The following GRIK1 variants were observed in gnomAD, a reference collection of about 807,000 sequenced individuals.
The protein encoded by GRIK1 is glutamate receptor ionotropic, kainate 1.
In GRIK1, 69 loss-of-function variants were observed where a neutral mutation model predicts 105.7. The observed-to-expected ratio is 0.65, with a 90% confidence interval of 0.54 to 0.80. The LOEUF is 0.80. Ranked by LOEUF, GRIK1 falls within the 30% of genes least tolerant of loss-of-function variation. GRIK1 has a pLI of 0.00. For synonymous variants in GRIK1, 438 were observed against 431.3 expected (o/e 1.02, Z -0.19); for missense variants, 1,109 against 1,167.3 (o/e 0.95, Z 0.73).
intron 1 of GRIK1, among the ~76,000 whole-genome samples, chr21:29,788,650 T>C (rs530340497): frequency 2.5e-4 from 38 of 152,332 alleles, no homozygotes; most frequent in Non-Finnish European, 5.0e-4. Flanking sequence ...TACGTTGTAA[T>C]ATATCATGAA....
rs574478059 is a variant in GRIK1, at chr21:29,593,708, A to T, written c.1252-2483T>A. ...CTGTTTTTAGCCACTTGATTAAGTG[A>T]TAGGATGTGGTCTCTTTAAATCTTA... On this transcript the variant is annotated intron_variant, in intron 9 of 17. Coordinates refer to ENST00000327783, the MANE Select transcript of GRIK1 (RefSeq NM_001330994.2). Among the ~76,000 whole-genome samples, 6 of 152,342 alleles carry T rather than the reference A, an allele frequency of 3.9e-5. No individual in the cohort carries two copies. In the East Asian group the frequency reaches 7.7e-4, roughly 20 times the overall value.
chr21:29,598,464 TCCATCGATAAA>T (rs2146318612), intron 8 of GRIK1, among the ~76,000 whole-genome samples: 1 of 152,352 alleles, frequency 6.6e-6, no homozygotes, highest in South Asian at 2.1e-4. Flanking sequence ...TGGATGCCAT[TCCATCGATAAA>T]CCATTGATAG....
At chr21:29,588,753 A>G (rs2146283647) in intron 11 of GRIK1, 86 bp downstream of exon 11, 1 of 809,946 alleles carries the variant, frequency 1.2e-6, no homozygotes, top group Non-Finnish European at 2.0e-6. Flanking sequence ...ATTCAAAAAA[A>G]GGAAACATTT....
intron 1 of GRIK1, among the ~76,000 whole-genome samples, chr21:29,782,171 C>A (rs1052859240): frequency 6.6e-6 from 1 of 150,812 alleles, no homozygotes; most frequent in South Asian, 2.1e-4. Flanking sequence ...ACTGCAAGCT[C>A]TGCCTCCCGG....
At chr21:29,869,259 C>T (rs1323455634) in intron 1 of GRIK1, among the ~76,000 whole-genome samples, 3 of 152,192 alleles carry the variant, frequency 2.0e-5, no homozygotes, top group African/African-American at 7.2e-5. Flanking sequence ...TATATTTCTA[C>T]CCTGGTACTT....
At chr21:29,805,962 A>G (rs1320642742) in intron 1 of GRIK1, among the ~76,000 whole-genome samples, 6 of 152,158 alleles carry the variant, frequency 3.9e-5, no homozygotes, top group East Asian at 1.9e-4. Flanking sequence ...GTTGCCATAT[A>G]AGAAACCAAA....
At chr21:29,907,724 G>A (rs2070693954) in intron 1 of GRIK1, among the ~76,000 whole-genome samples, 2 of 152,102 alleles carry the variant, frequency 1.3e-5, no homozygotes, top group Admixed American at 1.3e-4. Context: ...CATTTTTACC[G>A]GTACTACTGC....
At chr21:29,582,116 A>C (rs1601177867) in intron 12 of GRIK1, among the ~76,000 whole-genome samples, 1 of 152,200 alleles carries the variant, frequency 6.6e-6, no homozygotes, top group East Asian at 1.9e-4. Flanking sequence ...TGTAGAGCTG[A>C]ATTTGGAGTG....
chr21:29,646,465 T>C (rs2062621837), intron 6 of GRIK1, among the ~76,000 whole-genome samples: 1 of 151,488 alleles, frequency 6.6e-6, no homozygotes, highest in African/African-American at 2.4e-5. Flanking sequence ...TATAAATCTG[T>C]CATTGTGAGT....
At chr21:29,872,017 G>C (rs2069030916) in intron 1 of GRIK1, among the ~76,000 whole-genome samples, 1 of 148,280 alleles carries the variant, frequency 6.7e-6, no homozygotes, top group Non-Finnish European at 1.5e-5. Flanking sequence ...ATCCACCCCA[G>C]CCTCCCAAAG....
chr21:29,872,240 C>T (rs1057329879), intron 1 of GRIK1, among the ~76,000 whole-genome samples: 3 of 141,328 alleles, frequency 2.1e-5, no homozygotes, highest in East Asian at 2.1e-4. Flanking sequence ...GTCGCCCAGG[C>T]TGGAGTGCAG....
intron 14 of GRIK1, among the ~76,000 whole-genome samples, chr21:29,571,365 G>GA (rs925782757): frequency 2.7e-4 from 40 of 147,744 alleles, no homozygotes; most frequent in Admixed American, 7.4e-4. Context: ...AAAAAAAAAA[G>GA]AAAAAAAAAA....
chr21:29,785,243 C>T (rs933246112), intron 1 of GRIK1, among the ~76,000 whole-genome samples: 1 of 152,126 alleles, frequency 6.6e-6, no homozygotes, highest in Non-Finnish European at 1.5e-5. Flanking sequence ...TTAAGTTGAA[C>T]TTTGAGGATT....
At chr21:29,768,425 A>T (rs1454636927) in intron 1 of GRIK1, among the ~76,000 whole-genome samples, 2 of 152,108 alleles carry the variant, frequency 1.3e-5, no homozygotes, top group African/African-American at 4.8e-5. Context: ...GGAGAGAAAG[A>T]CGATACAACG....
chr21:29,600,051 A>C (rs903522287), intron 7 of GRIK1, among the ~76,000 whole-genome samples: 6 of 152,016 alleles, frequency 3.9e-5, no homozygotes, highest in Non-Finnish European at 8.8e-5. Context: ...ATGCCATTGC[A>C]CTCCAGCCTG....
chr21:29,844,078 C>T (rs985017488), intron 1 of GRIK1, among the ~76,000 whole-genome samples: 1 of 152,176 alleles, frequency 6.6e-6, no homozygotes, highest in African/African-American at 2.4e-5. Context: ...GGCACAATGT[C>T]TCCAGAGTAT....
intron 1 of GRIK1, among the ~76,000 whole-genome samples, chr21:29,902,497 C>A (rs575729988): frequency 2.6e-5 from 4 of 152,124 alleles, no homozygotes; most frequent in African/African-American, 9.7e-5. Flanking sequence ...TTCTTATACA[C>A]CAATAACAGA....
At chr21:29,630,115 G>A (rs2062232113) in intron 7 of GRIK1, among the ~76,000 whole-genome samples, 1 of 152,148 alleles carries the variant, frequency 6.6e-6, no homozygotes, top group African/African-American at 2.4e-5. Flanking sequence ...GGGTATTCCT[G>A]AAAAGGTAGT....
At chr21:29,573,853 GAAA>G (rs35503363) in intron 14 of GRIK1, among the ~76,000 whole-genome samples, 2 of 114,106 alleles carry the variant, frequency 1.8e-5, no homozygotes, top group African/African-American at 3.1e-5. Flanking sequence ...ACTCCGTCTG[GAAA>G]AAAAAAAAAA....
Sources: gnomAD v4.1 joint callset for allele counts (sites outside exome capture counted in the v4.1 genomes callset) on GRCh38, gnomAD v4.1.1 for gene constraint, MANE v1.5 for transcripts, NCBI Gene and HGNC (gene_info 2026-07-23, HGNC 2026-07-21) for gene names.